CHIT1: variants seen among roughly 807,000 people sequenced by gnomAD.
CHIT1 encodes the protein chitotriosidase-1.
In CHIT1, 47 loss-of-function variants were observed where a neutral mutation model predicts 52.0. The ratio of observed to expected loss-of-function variants is 0.90; its 90% CI spans 0.71 to 1.15. The LOEUF is 1.15. CHIT1 is among the 50% of genes most tolerant of loss of function. CHIT1 has a pLI of 0.00. For synonymous variants in CHIT1, 242 were observed against 228.2 expected, an observed-to-expected ratio of 1.06 and a Z score of -0.54; for missense variants, 569 against 583.0, an observed-to-expected ratio of 0.98 and a Z score of 0.25.
At chr1:203,229,481 G>T in intron 1 of CHIT1, 131 bp downstream of exon 1, 1 of 1,000,212 alleles carries the variant, frequency 1.0e-6, no homozygotes, top group Non-Finnish European at 1.5e-6. Flanking sequence ...GCATGGAGAG[G>T]GATAAAATGA....
chr1:203,222,351 G>C, intron 6 of CHIT1, 26 bp from the exon 7 acceptor site: 1 of 1,614,064 alleles, frequency 6.2e-7, no homozygotes. Flanking sequence ...AAGAGGAGGT[G>C]AGAAACAAGG....
At chr1:203,227,751 A>G (rs1169910430) in intron 2 of CHIT1, among the ~76,000 whole-genome samples, 1 of 152,254 alleles carries the variant, frequency 6.6e-6, no homozygotes, top group Non-Finnish European at 1.5e-5. Flanking sequence ...GCCCAGAAGT[A>G]GCCTGGACTA....
Position 203,216,901 on chromosome 1 carries a change from G to A in CHIT1, c.1389C>T (p.Cys463=). The A allele has an allele frequency of 6.2e-7, 1 of 1,614,186 alleles. No homozygotes were observed. The highest frequency in any genetic ancestry group is 8.5e-7 in the Non-Finnish European group (1 of 1,180,040). The change falls in exon 11 of 11, where the codon TGC becomes TGT. Residue 463 remains cysteine (C), a synonymous_variant. Coordinates refer to ENST00000367229, the MANE Select transcript of CHIT1 (RefSeq NM_003465.3). ...GLVFSNSCKC[C]TWN ...GGGCTTTAGCGACTCAATTCCAGGTGCAGCATTTGCAGGAGTTGCTGAACA... is the reference window on the plus strand; with the variant it reads ...GGGCTTTAGCGACTCAATTCCAGGTACAGCATTTGCAGGAGTTGCTGAACA...
In CHIT1 at chr1:203,216,678, C is replaced by A. The variant is rs1230922786; in HGVS notation, c.*211G>T. On this transcript the variant is annotated 3_prime_UTR_variant, in exon 11 of 11. Transcript: ENST00000367229. ...CACCACATCTTTGGGAAGAGGGGCACAAACCAAAGATTTATTTTGCAAGTG... is the reference window on the plus strand; with the variant it reads ...CACCACATCTTTGGGAAGAGGGGCAAAAACCAAAGATTTATTTTGCAAGTG... 4 of 687,466 alleles carry A rather than the reference C, an allele frequency of 5.8e-6. No homozygotes were observed. The South Asian group carries it at 6.0e-5, about 10-fold the overall frequency. 42.6% of individuals were successfully genotyped at this position (687,466 alleles called of 1,614,324 possible). A position where few individuals can be genotyped will look rare whatever the true frequency, so the allele number is the denominator to read the frequency against.
At chr1:203,219,517 A>G in intron 8 of CHIT1, 147 bp downstream of exon 8, 1 of 1,082,740 alleles carries the variant, frequency 9.2e-7, no homozygotes, top group Non-Finnish European at 1.4e-6. Context: ...GGATAAATTC[A>G]AGATGGCATG....
intron 2 of CHIT1, among the ~76,000 whole-genome samples, chr1:203,227,961 C>T (rs749249225): frequency 7.2e-5 from 11 of 152,146 alleles, no homozygotes; most frequent in Non-Finnish European, 1.3e-4. Context: ...TGGGACAAGA[C>T]GGGGACCAGG....
intron 3 of CHIT1, 37 bp downstream of exon 3, chr1:203,225,632 C>T (rs756822698): frequency 6.2e-7 from 1 of 1,600,934 alleles, no homozygotes; most frequent in Non-Finnish European, 8.6e-7. Context: ...GTCACCCCAC[C>T]ACATCCCACC....
chr1:203,218,464 C>T (rs555836378), intron 9 of CHIT1, among the ~76,000 whole-genome samples: 1 of 152,276 alleles, frequency 6.6e-6, no homozygotes, highest in East Asian at 1.9e-4. Flanking sequence ...TCCCTTTCAG[C>T]TAGCTCCCTT....
At chr1:203,229,723 A>C, upstream of CHIT1, 16 of 1,386,514 alleles carry the variant, frequency 1.2e-5, no homozygotes, top group African/African-American at 1.4e-5. Context: ...GTCCCACCCC[A>C]GCCAGGAGTG....
At position 203,225,811 on chromosome 1, in the gene CHIT1, C is replaced by A. The variant is rs774816645; in HGVS notation, c.115G>T (p.Ala39Ser). Residue 39 changes from alanine (A) to serine (S), a missense_variant, in exon 3 of 11, where the codon GCT becomes TCT. Transcript: ENST00000367229. The stretch of plus-strand genomic sequence containing the variant: ...TCCAAGTCCTTGGGCAGGAAGCGAG[C>A]CTCCCCCTGTCTGTACTGGGCCCAG... Reference protein sequence around the residue: ...TNWAQYRQGEARFLPKDLDPS... With the variant: ...TNWAQYRQGESRFLPKDLDPS... 1 of 1,614,202 alleles carries A rather than the reference C, an allele frequency of 6.2e-7. No homozygotes were observed. The highest frequency in any genetic ancestry group is 1.1e-5 in the South Asian group (1 of 91,090).
chr1:203,222,325 C>G lies in CHIT1; in HGVS notation c.606G>C (p.Gln202His). Residue 202 changes from glutamine (Q) to histidine (H), a missense_variant and splice_region_variant, in exon 7 of 11, where the codon CAG becomes CAC. Coordinates refer to ENST00000367229, the MANE Select transcript of CHIT1 (RefSeq NM_003465.3). Reference protein sequence around the residue: ...DAGYEVDKIAQNLDFVNLMAY... With the variant: ...DAGYEVDKIAHNLDFVNLMAY... Reference sequence around the variant, plus strand: ...CCATAAGGTTGACAAAATCCAGGTTCCTGCAGGAGGCATGGAAGAGGAGGT... The same window carrying G: ...CCATAAGGTTGACAAAATCCAGGTTGCTGCAGGAGGCATGGAAGAGGAGGT... 6.2e-7 allele frequency: 1 copy of G among 1,614,174 alleles called. No homozygotes were observed. Among genetic ancestry groups the G allele is most frequent in the Middle Eastern group, 1.6e-4 (1 of 6,062 alleles).
intron 1 of CHIT1, 33 bp from the exon 2 acceptor site, chr1:203,228,595 T>A: frequency 6.4e-7 from 1 of 1,569,480 alleles, no homozygotes; most frequent in Non-Finnish European, 8.7e-7. Flanking sequence ...GCCAGGGTTA[T>A]GCTGCCATTC....
intron 7 of CHIT1, 35 bp from the exon 8 acceptor site, chr1:203,219,884 C>A: frequency 1.2e-6 from 2 of 1,609,712 alleles, no homozygotes; most frequent in South Asian, 2.2e-5. Context: ...TTTCTCAGCC[C>A]TCAGCCTGGT....
rs1050749718 is a variant in CHIT1 at position 203,219,348 on chromosome 1, G to A, written c.916-19C>T. ...AGCAGACCTGTGGGAGCAGAAGGCA[G>A]CACTGGGGAGGAGGAGGGAGGCTCT... On this transcript the variant is annotated intron_variant, in intron 8 of 10. Coordinates refer to ENST00000367229, the MANE Select transcript of CHIT1 (RefSeq NM_003465.3). 5 of 1,394,292 alleles carry A rather than the reference G, an allele frequency of 3.6e-6. No individual in the cohort carries two copies. In the Admixed American group the frequency reaches 6.7e-5, roughly 19 times the overall value. The allele number at this position is 1,394,292 out of a possible 1,614,324, so 86.4% of individuals were successfully genotyped here.
intron 2 of CHIT1, among the ~76,000 whole-genome samples, chr1:203,226,719 G>A (rs1656943581): frequency 6.6e-6 from 1 of 151,812 alleles, no homozygotes; most frequent in South Asian, 2.1e-4. Context: ...ACTTTGCAGG[G>A]GTGGGATGGT....
In CHIT1 at chr1:203,223,554, A is replaced by T. The variant is rs749852330; in HGVS notation, c.421T>A (p.Tyr141Asn). Residue 141 changes from tyrosine (Y) to asparagine (N), a missense_variant, in exon 5 of 11, where the codon TAC becomes AAC. Tyr to Asn is a moderately radical substitution (Grantham distance 143). Coordinates refer to ENST00000367229, the MANE Select transcript of CHIT1 (RefSeq NM_003465.3). ...GCAGGGCTCCCCTGGCTTCCTGGGT[A>T]CTCCCAGTCAAGGTCAAGGCCGTCA... ...SFDGLDLDWEYPGSQGSPAVD... is the reference protein window; with the variant it reads ...SFDGLDLDWENPGSQGSPAVD... 7.4e-6 allele frequency: 12 copies of T among 1,613,904 alleles called. No individual in the cohort carries two copies. Among genetic ancestry groups the T allele is most frequent in the Non-Finnish European group, 8.5e-6 (10 of 1,179,974 alleles).
intron 5 of CHIT1, 66 bp downstream of exon 5, chr1:203,223,429 G>A (rs1656812432): frequency 6.3e-7 from 1 of 1,587,066 alleles, no homozygotes; most frequent in Non-Finnish European, 8.6e-7. Context: ...GCCCCCACAT[G>A]TGCTGTGGGG....
chr1:203,225,812 C>T lies in CHIT1; in HGVS notation c.114G>A (p.Glu38=). The T allele has an allele frequency of 1.2e-6, 2 of 1,614,168 alleles. No homozygotes were observed. Among genetic ancestry groups the T allele is most frequent in the Non-Finnish European group, 8.5e-7 (1 of 1,180,030 alleles). ...FTNWAQYRQG[E]ARFLPKDLDP... ...CCAAGTCCTTGGGCAGGAAGCGAGC[C>T]TCCCCCTGTCTGTACTGGGCCCAGT... The change falls in exon 3 of 11, where the codon GAG becomes GAA. Residue 38 remains glutamate, a synonymous_variant. Coordinates refer to ENST00000367229, the MANE Select transcript of CHIT1 (RefSeq NM_003465.3).
Position 203,219,762 on chromosome 1 carries a change from G to T in CHIT1, c.817C>A (p.Leu273Met). 2 of 1,613,768 alleles carry T rather than the reference G, an allele frequency of 1.2e-6. No homozygotes were observed. The highest frequency in any genetic ancestry group is 8.5e-7 in the Non-Finnish European group (1 of 1,179,984). The change falls in exon 8 of 11, where the codon CTG becomes ATG. Residue 273 changes from leucine to methionine, a missense_variant. Transcript: ENST00000367229. ...GMPTYGRSFT[L>M]ASSSDTRVGA... The stretch of plus-strand genomic sequence containing the variant: ...ACTCTGGTGTCTGATGAGGAGGCCA[G>T]TGTGAAGGAGCGTCCGTAGGTAGGC...
Sources: gnomAD v4.1 joint callset for allele counts (sites outside exome capture counted in the v4.1 genomes callset) on GRCh38, gnomAD v4.1.1 for gene constraint, MANE v1.5 for transcripts, NCBI Gene and HGNC (gene_info 2026-07-23, HGNC 2026-07-21) for gene names.